The following DPP10 variants were observed in gnomAD, a reference collection of about 807,000 sequenced individuals.
The protein encoded by DPP10 is dipeptidyl peptidase like 10.
Under a neutral mutation model 120.9 loss-of-function variants are expected in DPP10, and 33 were observed. That is an observed-to-expected ratio of 0.27 (90% CI 0.21 to 0.37). DPP10 has a LOEUF of 0.37. Among genes scored for constraint, DPP10 ranks in the 10% least tolerant of loss-of-function variants. The pLI, the probability that DPP10 is intolerant of heterozygous loss-of-function variation, is 1.00. For missense variants in DPP10, 816 were observed against 942.8 expected, an observed-to-expected ratio of 0.87 and a Z score of 1.76; for synonymous variants, 337 against 326.1, an observed-to-expected ratio of 1.03 and a Z score of -0.36.
intron 21 of DPP10, among the ~76,000 whole-genome samples, chr2:115,833,956 A>C (rs1048965179): frequency 6.6e-6 from 1 of 152,130 alleles, no homozygotes; most frequent in Non-Finnish European, 1.5e-5. Context: ...AGGTTAATAC[A>C]TTTACCTACC....
rs191848962 is a variant in DPP10 at position 115,531,804 on chromosome 2, G to T, written c.441+5832G>T. Reference sequence around the variant, plus strand: ...TTGCTGTTCTCCATTCTGTTACTACGAGCCACAAGGGAGAACACTGTCTAC... The same window carrying T: ...TTGCTGTTCTCCATTCTGTTACTACTAGCCACAAGGGAGAACACTGTCTAC... On this transcript the variant is annotated intron_variant, in intron 5 of 25. Transcript: ENST00000410059. 3.9e-5 allele frequency among the ~76,000 whole-genome samples: 6 copies of T among 152,152 alleles called. No individual in the cohort carries two copies. The East Asian group carries it at 1.2e-3, about 29-fold the overall frequency.
At chr2:115,167,476 A>T (rs2052976440) in intron 1 of DPP10, among the ~76,000 whole-genome samples, 1 of 151,970 alleles carries the variant, frequency 6.6e-6, no homozygotes. Context: ...GTTTAGTGAC[A>T]TACTCCTGTG....
chr2:114,906,298 C>T (rs992838954), intron 1 of DPP10, among the ~76,000 whole-genome samples: 1 of 151,726 alleles, frequency 6.6e-6, no homozygotes, highest in African/African-American at 2.4e-5. Context: ...GCATGAGAAT[C>T]GCTCAAACCT....
chr2:115,420,019 G>T (rs1011367011), intron 3 of DPP10, among the ~76,000 whole-genome samples: 21 of 152,084 alleles, frequency 1.4e-4, no homozygotes, highest in Non-Finnish European at 2.6e-4. Context: ...AAGTATTTTT[G>T]ATTCTGGTTA....
At chr2:115,330,568 C>T (rs1406646539) in intron 2 of DPP10, among the ~76,000 whole-genome samples, 1 of 151,978 alleles carries the variant, frequency 6.6e-6, no homozygotes, top group Admixed American at 6.6e-5. Flanking sequence ...ATGGTTTTAA[C>T]TCTAACATTT....
At chr2:115,055,572 ATATTT>A (rs1168671846) in intron 1 of DPP10, among the ~76,000 whole-genome samples, 1 of 152,206 alleles carries the variant, frequency 6.6e-6, no homozygotes, top group African/African-American at 2.4e-5. Flanking sequence ...GAAATATAAA[ATATTT>A]TATTTTCATA....
intron 1 of DPP10, among the ~76,000 whole-genome samples, chr2:114,675,729 C>T (rs1366432766): frequency 6.6e-6 from 1 of 152,032 alleles, no homozygotes; most frequent in Admixed American, 6.6e-5. Flanking sequence ...GTCCCAGATA[C>T]CAGTATTTTT....
At chr2:115,575,089 G>T (rs1176797776) in intron 5 of DPP10, among the ~76,000 whole-genome samples, 1 of 152,136 alleles carries the variant, frequency 6.6e-6, no homozygotes, top group Non-Finnish European at 1.5e-5. Flanking sequence ...ACATTTAGAA[G>T]AATCCTTCAG....
chr2:114,929,776 TTAAAG>T lies in DPP10; in HGVS notation c.61-379457_61-379453del, dbSNP rs1214490439. On this transcript the variant is annotated intron_variant, in intron 1 of 25. Transcript: ENST00000410059. ...TTACGAAGATGATGGGATTAAGAGA[TTAAAG>T]TAAAGACAGCCATAGGAAATTATAA... is the stretch of plus-strand genomic sequence containing the variant. Among the ~76,000 whole-genome samples, 4 of 152,290 alleles carry T rather than the reference TTAAAG, an allele frequency of 2.6e-5. No homozygotes were observed. The East Asian group carries it at 5.8e-4, about 22-fold the overall frequency.
At chr2:115,027,672 T>C (rs1340266802) in intron 1 of DPP10, among the ~76,000 whole-genome samples, 1 of 152,152 alleles carries the variant, frequency 6.6e-6, no homozygotes. Context: ...TATTCCGTCA[T>C]CTTCAATTTG....
chr2:115,273,944 C>T (rs895969220), intron 1 of DPP10, among the ~76,000 whole-genome samples: 4 of 152,078 alleles, frequency 2.6e-5, no homozygotes, highest in Admixed American at 6.5e-5. Flanking sequence ...CACTCGTAGC[C>T]GTCTTGTGGA....
chr2:115,104,667 A>C (rs1421326166), intron 1 of DPP10, among the ~76,000 whole-genome samples: 2 of 152,174 alleles, frequency 1.3e-5, no homozygotes, highest in African/African-American at 2.4e-5. Context: ...TACCTGATCA[A>C]CTAAGTCAAA....
At chr2:115,381,743 C>T (rs1273537241) in intron 3 of DPP10, among the ~76,000 whole-genome samples, 1 of 151,992 alleles carries the variant, frequency 6.6e-6, no homozygotes, top group African/African-American at 2.4e-5. Flanking sequence ...TGTGGATGTC[C>T]TTTCTGTTTG....
At chr2:114,644,386 T>A (rs1261518858) in intron 1 of DPP10, among the ~76,000 whole-genome samples, 2 of 151,770 alleles carry the variant, frequency 1.3e-5, no homozygotes, top group East Asian at 3.9e-4. Context: ...GTGTATTATA[T>A]ATACAACTAG....
intron 1 of DPP10, among the ~76,000 whole-genome samples, chr2:114,614,774 GTGCTTTGA>G: frequency 6.6e-6 from 1 of 152,282 alleles, no homozygotes. Context: ...AGGAAAAAAA[GTGCTTTGA>G]CCAATTTCTC....
At chr2:115,481,392 C>A (rs1385981505) in intron 3 of DPP10, among the ~76,000 whole-genome samples, 3 of 152,088 alleles carry the variant, frequency 2.0e-5, no homozygotes, top group African/African-American at 7.2e-5. Flanking sequence ...CAAAAGAACA[C>A]ACAGGTTGGA....
At chr2:114,984,520 A>G (rs1045169996) in intron 1 of DPP10, among the ~76,000 whole-genome samples, 12 of 152,184 alleles carry the variant, frequency 7.9e-5, no homozygotes, top group African/African-American at 2.9e-4. Context: ...AGCTGGGTGC[A>G]GTGGCATGCA....
chr2:115,400,148 ACCAC>A (rs1419693897), intron 3 of DPP10, among the ~76,000 whole-genome samples: 1 of 152,066 alleles, frequency 6.6e-6, no homozygotes, highest in African/African-American at 2.4e-5. Context: ...TTCATGAAGC[ACCAC>A]CCCCATGATC....
intron 1 of DPP10, among the ~76,000 whole-genome samples, chr2:114,918,123 A>G (rs919467833): frequency 2.0e-5 from 3 of 152,156 alleles, no homozygotes; most frequent in African/African-American, 7.2e-5. Flanking sequence ...AAACAATCTC[A>G]TTAAAGAAGG....
Sources: gnomAD v4.1 joint callset for allele counts (sites outside exome capture counted in the v4.1 genomes callset) on GRCh38, gnomAD v4.1.1 for gene constraint, MANE v1.5 for transcripts, NCBI Gene and HGNC (gene_info 2026-07-23, HGNC 2026-07-21) for gene names.